The following PLCXD3 variants were observed in gnomAD, a reference collection of about 807,000 sequenced individuals.
PLCXD3 encodes the protein phosphatidylinositol specific phospholipase C X domain containing 3.
PLCXD3 carries 19 observed loss-of-function variants against 25.5 expected under a neutral mutation model. The ratio of observed to expected loss-of-function variants is 0.75; its 90% CI spans 0.52 to 1.09. The LOEUF is 1.09. Among genes scored for constraint, PLCXD3 ranks in the 50% least tolerant of loss-of-function variants. PLCXD3 has a pLI of 0.00. For synonymous variants in PLCXD3, 174 were observed against 137.6 expected (o/e 1.26, Z -1.85); for missense variants, 411 against 388.1 (o/e 1.06, Z -0.50).
chr5:41,403,409 T>TTTTTTTTTTG (rs1367034160), intron 1 of PLCXD3, among the ~76,000 whole-genome samples: 3 of 39,666 alleles, frequency 7.6e-5, no homozygotes, highest in Non-Finnish European at 1.3e-4. Context: ...TTGTTTTTTT[T>TTTTTTTTTTG]TTTTTTTATT....
At chr5:41,399,258 A>G (rs1350278240) in intron 1 of PLCXD3, among the ~76,000 whole-genome samples, 2 of 152,152 alleles carry the variant, frequency 1.3e-5, no homozygotes, top group Non-Finnish European at 2.9e-5. Context: ...TTGTGAAAAT[A>G]CCCATATTAC....
chr5:41,401,176 T>G (rs1294236004), intron 1 of PLCXD3, among the ~76,000 whole-genome samples: 1 of 152,046 alleles, frequency 6.6e-6, no homozygotes, highest in Non-Finnish European at 1.5e-5. Context: ...TTCCATGTAC[T>G]TAATGTTGTC....
intron 1 of PLCXD3, among the ~76,000 whole-genome samples, chr5:41,490,073 G>C (rs1314211506): frequency 2.0e-5 from 3 of 152,008 alleles, no homozygotes; most frequent in African/African-American, 7.3e-5. Flanking sequence ...CTGTGGGTTT[G>C]TCATAGATAG....
At chr5:41,320,380 A>G (rs1209852092) in intron 2 of PLCXD3, among the ~76,000 whole-genome samples, 2 of 152,224 alleles carry the variant, frequency 1.3e-5, no homozygotes, top group African/African-American at 4.8e-5. Context: ...TTAACAAAAC[A>G]CTAGCAAACT....
chr5:41,381,247 G>T (rs1329188618), intron 2 of PLCXD3, among the ~76,000 whole-genome samples: 1 of 152,098 alleles, frequency 6.6e-6, no homozygotes, highest in Non-Finnish European at 1.5e-5. Flanking sequence ...ATGTGAAAAA[G>T]GGTGCTATGA....
intron 1 of PLCXD3, among the ~76,000 whole-genome samples, chr5:41,421,067 C>T (rs898439056): frequency 4.6e-5 from 7 of 152,160 alleles, no homozygotes; most frequent in African/African-American, 1.7e-4. Flanking sequence ...AATATCTGAT[C>T]TCTCAAGCCC....
chr5:41,347,432 G>A (rs1416556679), intron 2 of PLCXD3, among the ~76,000 whole-genome samples: 2 of 152,166 alleles, frequency 1.3e-5, no homozygotes, highest in South Asian at 2.1e-4. Context: ...TCCAAGGAAA[G>A]TAATTTATCT....
chr5:41,338,187 T>C (rs1744037286), intron 2 of PLCXD3, among the ~76,000 whole-genome samples: 1 of 152,156 alleles, frequency 6.6e-6, no homozygotes, highest in Non-Finnish European at 1.5e-5. Flanking sequence ...AAATGTTTCC[T>C]GAATTAAATT....
At chr5:41,414,742 A>C (rs1025519413) in intron 1 of PLCXD3, among the ~76,000 whole-genome samples, 2 of 152,198 alleles carry the variant, frequency 1.3e-5, no homozygotes, top group Admixed American at 1.3e-4. Flanking sequence ...CACCATTCTG[A>C]GTAGCATGAT....
intron 1 of PLCXD3, among the ~76,000 whole-genome samples, chr5:41,428,535 C>G (rs1163876349): frequency 6.6e-6 from 1 of 151,894 alleles, no homozygotes; most frequent in South Asian, 2.1e-4. Flanking sequence ...AGAAGAGAAG[C>G]CTCAGAAGAA....
intron 1 of PLCXD3, among the ~76,000 whole-genome samples, chr5:41,445,527 C>T (rs1747474074): frequency 6.6e-6 from 1 of 152,152 alleles, no homozygotes. Context: ...CAATTCTCCT[C>T]ACTAGGAAGA....
chr5:41,397,966 C>T (rs1198245567), intron 1 of PLCXD3, among the ~76,000 whole-genome samples: 1 of 152,174 alleles, frequency 6.6e-6, no homozygotes, highest in East Asian at 1.9e-4. Context: ...TTGGAAGTAA[C>T]TGACTTGTTT....
rs562734994 is a variant in PLCXD3, at chr5:41,405,207, T to C, written c.104-22673A>G. 2.0e-5 allele frequency among the ~76,000 whole-genome samples: 3 copies of C among 152,228 alleles called. No homozygotes were observed. The South Asian group carries it at 6.2e-4, about 32-fold the overall frequency. ...ATGAAGATATATAAGGGTAGCTTTG[T>C]TGTTTGAGGTCTTTTTCTAGGATAG... is the stretch of plus-strand genomic sequence containing the variant. On this transcript the variant is annotated intron_variant, in intron 1 of 2. Transcript: ENST00000377801.
At chr5:41,332,459 G>A (rs953772847) in intron 2 of PLCXD3, among the ~76,000 whole-genome samples, 1 of 152,160 alleles carries the variant, frequency 6.6e-6, no homozygotes, top group Non-Finnish European at 1.5e-5. Flanking sequence ...TGCTGGAGAG[G>A]ATGTGGAGAA....
intron 1 of PLCXD3, among the ~76,000 whole-genome samples, chr5:41,428,070 G>A (rs944945847): frequency 6.6e-6 from 1 of 152,014 alleles, no homozygotes; most frequent in Non-Finnish European, 1.5e-5. Context: ...CTCAACTTGT[G>A]CTGTCGCCCT....
At chr5:41,408,666 A>G (rs1313194982) in intron 1 of PLCXD3, among the ~76,000 whole-genome samples, 2 of 152,238 alleles carry the variant, frequency 1.3e-5, no homozygotes, top group Non-Finnish European at 2.9e-5. Context: ...ACTCATAAGA[A>G]GAACTCTGGA....
chr5:41,368,915 G>A (rs372906927), intron 2 of PLCXD3, among the ~76,000 whole-genome samples: 2 of 152,108 alleles, frequency 1.3e-5, no homozygotes, highest in East Asian at 1.9e-4. Context: ...TAAACAACCC[G>A]CATCAGGAGA....
chr5:41,495,670 T>G (rs190624790), intron 1 of PLCXD3, among the ~76,000 whole-genome samples: 3 of 152,286 alleles, frequency 2.0e-5, no homozygotes, highest in Non-Finnish European at 4.4e-5. Flanking sequence ...TCTTTCTAAT[T>G]AGAAATCTAT....
chr5:41,379,903 G>T (rs1466347719), intron 2 of PLCXD3, among the ~76,000 whole-genome samples: 2 of 152,016 alleles, frequency 1.3e-5, no homozygotes, highest in Admixed American at 1.3e-4. Flanking sequence ...AAATCATAGA[G>T]AAAGTCATGC....
Sources: gnomAD v4.1 joint callset for allele counts (sites outside exome capture counted in the v4.1 genomes callset) on GRCh38, gnomAD v4.1.1 for gene constraint, MANE v1.5 for transcripts, NCBI Gene and HGNC (gene_info 2026-07-23, HGNC 2026-07-21) for gene names.